The following WDFY2 variants were observed in gnomAD, a reference collection of about 807,000 sequenced individuals.
WDFY2 encodes the protein WD repeat and FYVE domain containing 2, also known as WD repeat and FYVE domain-containing protein 2.
In WDFY2, 36 loss-of-function variants were observed where a neutral mutation model predicts 56.4. That is an observed-to-expected ratio of 0.64 (90% CI 0.49 to 0.84). WDFY2 has a LOEUF of 0.84. Ranked by LOEUF, WDFY2 falls within the 40% of genes least tolerant of loss-of-function variation. WDFY2 has a pLI of 0.00. For synonymous variants in WDFY2, 176 were observed against 183.7 expected, an observed-to-expected ratio of 0.96 and a Z score of 0.34; for missense variants, 444 against 512.2, an observed-to-expected ratio of 0.87 and a Z score of 1.29.
chr13:51,644,596 C>T (rs548906440), intron 1 of WDFY2, among the ~76,000 whole-genome samples: 1 of 152,122 alleles, frequency 6.6e-6, no homozygotes, highest in African/African-American at 2.4e-5. Context: ...CTGCAAATAA[C>T]TGGAATGGCG....
chr13:51,680,839 C>G (rs912644906), intron 3 of WDFY2, among the ~76,000 whole-genome samples: 1 of 152,104 alleles, frequency 6.6e-6, no homozygotes, highest in Non-Finnish European at 1.5e-5. Context: ...TCCCTGAGCC[C>G]TAGACAAATT....
chr13:51,594,516 G>GCCT (rs1229407097), intron 1 of WDFY2, among the ~76,000 whole-genome samples: 1 of 152,124 alleles, frequency 6.6e-6, no homozygotes, highest in Non-Finnish European at 1.5e-5. Context: ...AATCAGCAGG[G>GCCT]CCTGCTGTGG....
intron 3 of WDFY2, among the ~76,000 whole-genome samples, chr13:51,697,745 G>A (rs535368486): frequency 1.3e-5 from 2 of 152,108 alleles, no homozygotes. Flanking sequence ...CAAAAAATAG[G>A]TAGTGACATG....
At chr13:51,695,110 C>A (rs1951838007) in intron 3 of WDFY2, among the ~76,000 whole-genome samples, 1 of 152,190 alleles carries the variant, frequency 6.6e-6, no homozygotes, top group African/African-American at 2.4e-5. Context: ...TTTTCAACTT[C>A]TTTGCCTTTG....
At position 51,740,473 on chromosome 13, in the gene WDFY2, T is replaced by C. The variant is rs535976048; in HGVS notation, c.725+1298T>C. ...GCTCACGCCTGTAATCCCAGCACTT[T>C]GGGAGGCCGAGGCGGGCGGATCACA... On this transcript the variant is annotated intron_variant, in intron 7 of 11. Coordinates refer to ENST00000298125, the MANE Select transcript of WDFY2 (RefSeq NM_052950.4). Among the ~76,000 whole-genome samples, 101 of 152,304 alleles carry C rather than the reference T, an allele frequency of 6.6e-4. 1 individual carries two copies. The South Asian group carries it at 0.021, about 31-fold the overall frequency.
At chr13:51,624,449 C>G (rs1281082025) in intron 1 of WDFY2, among the ~76,000 whole-genome samples, 1 of 152,170 alleles carries the variant, frequency 6.6e-6, no homozygotes, top group Non-Finnish European at 1.5e-5. Flanking sequence ...GCTAATTTTA[C>G]TTTAATTCAC....
At chr13:51,621,429 C>T (rs1018970010) in intron 1 of WDFY2, among the ~76,000 whole-genome samples, 1 of 152,096 alleles carries the variant, frequency 6.6e-6, no homozygotes, top group African/African-American at 2.4e-5. Context: ...CGCTTGAACC[C>T]GGGAGGCGGA....
chr13:51,612,937 A>G (rs985294662), intron 1 of WDFY2, among the ~76,000 whole-genome samples: 1 of 152,190 alleles, frequency 6.6e-6, no homozygotes, highest in Non-Finnish European at 1.5e-5. Context: ...GAAAAATTCA[A>G]TTTAAAAATA....
At chr13:51,730,885 C>T (rs893227838) in intron 6 of WDFY2, among the ~76,000 whole-genome samples, 1 of 151,906 alleles carries the variant, frequency 6.6e-6, no homozygotes, top group African/African-American at 2.4e-5. Flanking sequence ...GAGGGGAGGT[C>T]AAGGTGGAGG....
chr13:51,662,547 C>T (rs1270376050), intron 2 of WDFY2, among the ~76,000 whole-genome samples: 1 of 152,190 alleles, frequency 6.6e-6, no homozygotes, highest in Non-Finnish European at 1.5e-5. Context: ...CTAACTCATT[C>T]CCTTTCCCCT....
chr13:51,692,754 G>C (rs531436617), intron 3 of WDFY2, among the ~76,000 whole-genome samples: 2 of 152,340 alleles, frequency 1.3e-5, no homozygotes, highest in South Asian at 4.1e-4. Flanking sequence ...GATTGGAATA[G>C]TTTCAGAAGG....
intron 1 of WDFY2, among the ~76,000 whole-genome samples, chr13:51,651,879 G>T (rs1467051340): frequency 2.0e-5 from 3 of 152,208 alleles, no homozygotes; most frequent in African/African-American, 4.8e-5. Context: ...ATATTCTGTT[G>T]ATTTGGGGTA....
intron 3 of WDFY2, among the ~76,000 whole-genome samples, chr13:51,682,101 T>A (rs1410483795): frequency 1.3e-5 from 2 of 152,162 alleles, no homozygotes; most frequent in African/African-American, 4.8e-5. Context: ...TGAATACCCG[T>A]AGGAGCACCC....
intron 4 of WDFY2, among the ~76,000 whole-genome samples, chr13:51,717,386 C>CT (rs1266635964): frequency 6.6e-6 from 1 of 151,986 alleles, no homozygotes; most frequent in East Asian, 1.9e-4. Context: ...GGTTTTGATT[C>CT]TTTGTCATTC....
At chr13:51,662,564 A>G (rs979223052) in intron 2 of WDFY2, among the ~76,000 whole-genome samples, 3 of 152,196 alleles carry the variant, frequency 2.0e-5, no homozygotes, top group African/African-American at 7.2e-5. Flanking sequence ...CCCTATACAA[A>G]TACACATACA....
chr13:51,683,726 G>C (rs1396651677), intron 3 of WDFY2, among the ~76,000 whole-genome samples: 1 of 152,188 alleles, frequency 6.6e-6, no homozygotes, highest in East Asian at 1.9e-4. Context: ...TCCACCTACT[G>C]TGTGATCTGA....
At chr13:51,738,756 T>C (rs1025891925) in intron 6 of WDFY2, among the ~76,000 whole-genome samples, 1 of 152,200 alleles carries the variant, frequency 6.6e-6, no homozygotes, top group Non-Finnish European at 1.5e-5. Context: ...TTTCCATTCT[T>C]CTTAGAATTA....
chr13:51,624,530 T>C (rs1484288732), intron 1 of WDFY2, among the ~76,000 whole-genome samples: 1 of 152,168 alleles, frequency 6.6e-6, no homozygotes, highest in Non-Finnish European at 1.5e-5. Flanking sequence ...GGGCTAATAT[T>C]AGTAAACAAA....
At chr13:51,587,613 A>G (rs560330864) in intron 1 of WDFY2, 7 of 152,376 alleles carry the variant, frequency 4.6e-5, no homozygotes, top group African/African-American at 1.7e-4. Flanking sequence ...TCCGTCAACA[A>G]ACATTTGAGT....
Sources: allele counts gnomAD v4.1 joint callset (sites outside exome capture counted in the v4.1 genomes callset), GRCh38; gene constraint gnomAD v4.1.1; transcripts MANE v1.5; gene names NCBI Gene and HGNC (gene_info 2026-07-23, HGNC 2026-07-21).